The following CNOT6 variants were observed in gnomAD, a reference collection of about 807,000 sequenced individuals.
CNOT6 encodes the protein carbon catabolite repression 4 protein.
CNOT6 carries 12 observed loss-of-function variants against 61.2 expected under a neutral mutation model. The observed-to-expected ratio is 0.20, with a 90% CI of 0.13 to 0.32. The LOEUF is 0.32. Ranked by LOEUF, CNOT6 falls within the 10% of genes least tolerant of loss-of-function variation. The probability of loss-of-function intolerance (pLI) is 1.00; values close to 1 mark genes in which losing one functional copy is unlikely to be tolerated. For missense variants in CNOT6, 405 were observed against 663.9 expected (o/e 0.61, Z 4.28); for synonymous variants, 225 against 240.6 (o/e 0.94, Z 0.60).
intron 10 of CNOT6, 141 bp downstream of exon 10, chr5:180,569,481 G>T (rs1319276035): frequency 1.5e-6 from 1 of 666,406 alleles, no homozygotes; most frequent in Admixed American, 3.0e-5. Context: ...TAAACATCAT[G>T]TTGGGGTGGA....
chr5:180,552,407 C>T (rs13166941), intron 3 of CNOT6, among the ~76,000 whole-genome samples: 70,715 of 151,208 alleles, frequency 0.47, 17,235 homozygotes, highest in Middle Eastern at 0.55. Flanking sequence ...TTTGGGAGGC[C>T]GAGGCGGGCG....
intron 7 of CNOT6, among the ~76,000 whole-genome samples, chr5:180,566,404 T>C (rs1236690499): frequency 6.6e-6 from 1 of 152,184 alleles, no homozygotes; most frequent in Non-Finnish European, 1.5e-5. Context: ...ACTCATATGA[T>C]CTTGAACATG....
chr5:180,556,714 A>C (rs779069041), intron 4 of CNOT6, among the ~76,000 whole-genome samples: 1 of 152,180 alleles, frequency 6.6e-6, no homozygotes, highest in Non-Finnish European at 1.5e-5. Context: ...GTACTTTGGG[A>C]GGCTGAGGCA....
rs564991089 is a variant in CNOT6 at position 180,570,344 on chromosome 5, C to T, written c.1259-886C>T. 4.0e-4 allele frequency among the ~76,000 whole-genome samples: 61 copies of T among 151,766 alleles called. 1 individual carries two copies. In the South Asian group the frequency reaches 0.012, roughly 30 times the overall value. ...CTGCACTTCAGCCTGGGTGACAGAA[C>T]GAGACTATAAATAATAATAATATGA... On this transcript the variant is annotated intron_variant, in intron 10 of 11. Transcript: ENST00000261951.
chr5:180,555,051 T>C (rs2127750405), intron 4 of CNOT6, among the ~76,000 whole-genome samples: 2 of 151,872 alleles, frequency 1.3e-5, no homozygotes, highest in East Asian at 1.9e-4. Flanking sequence ...TCGCCCAGGC[T>C]AGAGTGCAGT....
intron 1 of CNOT6, among the ~76,000 whole-genome samples, chr5:180,512,747 C>T (rs932643745): frequency 3.3e-5 from 5 of 152,064 alleles, no homozygotes; most frequent in African/African-American, 9.7e-5. Context: ...CAGGCATGCA[C>T]CACCATGCCC....
intron 3 of CNOT6, among the ~76,000 whole-genome samples, chr5:180,551,893 G>T (rs1244604770): frequency 2.7e-5 from 4 of 150,564 alleles, no homozygotes; most frequent in African/African-American, 7.3e-5. Flanking sequence ...TTTGGAGACG[G>T]AATTTTACTC....
intron 7 of CNOT6, 107 bp from the exon 8 acceptor site, chr5:180,566,981 C>T: frequency 1.9e-6 from 2 of 1,073,846 alleles, no homozygotes; most frequent in Non-Finnish European, 1.3e-6. Context: ...CTTTAATCTG[C>T]AGACCAGTCC....
chr5:180,560,583 G>A (rs527957230), intron 4 of CNOT6, among the ~76,000 whole-genome samples: 1 of 152,030 alleles, frequency 6.6e-6, no homozygotes. Flanking sequence ...CAAATCTTTC[G>A]TCATTCCAAT....
intron 1 of CNOT6, among the ~76,000 whole-genome samples, chr5:180,514,287 T>TG (rs1244053153): frequency 2.0e-5 from 3 of 151,900 alleles, no homozygotes; most frequent in Non-Finnish European, 2.9e-5. Context: ...CCACATGTGT[T>TG]GGGGGGCGCC....
At chr5:180,559,553 C>G (rs962071756) in intron 4 of CNOT6, among the ~76,000 whole-genome samples, 1 of 152,134 alleles carries the variant, frequency 6.6e-6, no homozygotes, top group Admixed American at 6.6e-5. Context: ...TCCATTCTAC[C>G]AGTCTTTTAA....
chr5:180,496,996 CGTT>C (rs1756639256), intron 1 of CNOT6, among the ~76,000 whole-genome samples: 1 of 152,108 alleles, frequency 6.6e-6, no homozygotes, highest in African/African-American at 2.4e-5. Flanking sequence ...TGTGTAAAGG[CGTT>C]GTAGGAATTT....
intron 2 of CNOT6, among the ~76,000 whole-genome samples, chr5:180,532,976 G>A (rs1213485831): frequency 2.0e-5 from 3 of 152,200 alleles, no homozygotes; most frequent in African/African-American, 7.2e-5. Context: ...CGTGCATTCA[G>A]CTATCTGGAA....
At chr5:180,561,356 T>TTGTGTGTG (rs35909953) in intron 4 of CNOT6, among the ~76,000 whole-genome samples, 4,443 of 144,762 alleles carry the variant, frequency 0.031, 98 homozygotes, top group East Asian at 0.082. Flanking sequence ...CTTGTGTGTT[T>TTGTGTGTG]TGTGTGTGTG....
intron 3 of CNOT6, among the ~76,000 whole-genome samples, chr5:180,552,527 T>C (rs1339509555): frequency 6.6e-6 from 1 of 151,164 alleles, no homozygotes; most frequent in Non-Finnish European, 1.5e-5. Flanking sequence ...GCACCTGTAG[T>C]CCCAGTTACT....
intron 2 of CNOT6, among the ~76,000 whole-genome samples, chr5:180,542,565 G>T (rs917309816): frequency 1.3e-5 from 2 of 152,068 alleles, no homozygotes; most frequent in Non-Finnish European, 1.5e-5. Context: ...GCACCCGGCC[G>T]CTTGTTAGTT....
At chr5:180,517,892 G>C (rs6897365) in intron 1 of CNOT6, among the ~76,000 whole-genome samples, 70,912 of 152,062 alleles carry the variant, frequency 0.47, 17,567 homozygotes, top group Non-Finnish European at 0.56. Context: ...GAATCCAGTT[G>C]CTGCTGAGGT....
At chr5:180,541,734 GA>G (rs1210228949) in intron 2 of CNOT6, among the ~76,000 whole-genome samples, 1 of 151,508 alleles carries the variant, frequency 6.6e-6, no homozygotes, top group Non-Finnish European at 1.5e-5. Flanking sequence ...TTACAGGCGT[GA>G]GCCACCATGC....
intron 1 of CNOT6, among the ~76,000 whole-genome samples, chr5:180,504,955 ATTTTTTTT>A (rs769852255): frequency 1.2e-4 from 12 of 101,492 alleles, no homozygotes; most frequent in Admixed American, 3.7e-4. Flanking sequence ...GTACTAGTTA[ATTTTTTTT>A]TTTTTTTTTT....
Sources: gnomAD v4.1 joint callset for allele counts (sites outside exome capture counted in the v4.1 genomes callset) on GRCh38, gnomAD v4.1.1 for gene constraint, MANE v1.5 for transcripts, NCBI Gene and HGNC (gene_info 2026-07-23, HGNC 2026-07-21) for gene names.